The following CEMIP variants were observed in gnomAD, a reference collection of about 807,000 sequenced individuals.
The protein encoded by CEMIP is cell migration-inducing and hyaluronan-binding protein.
Under a neutral mutation model 156.9 loss-of-function variants are expected in CEMIP, and 105 were observed. That is an observed-to-expected ratio of 0.67 (90% confidence interval 0.57 to 0.79). CEMIP has a LOEUF of 0.79. CEMIP is among the 30% of genes least tolerant of loss of function. CEMIP has a pLI of 0.00. For synonymous variants in CEMIP, 676 were observed against 668.4 expected, an observed-to-expected ratio of 1.01 and a Z score of -0.17; for missense variants, 1,457 against 1,769.4, an observed-to-expected ratio of 0.82 and a Z score of 3.17.
In CEMIP at chr15:80,872,148, G is replaced by A. The variant is rs115323716; in HGVS notation, c.-175-1390G>A. Among the ~76,000 whole-genome samples the A allele has an allele frequency of 3.5e-3, 529 of 152,338 alleles. 4 individuals carry two copies. Among genetic ancestry groups the A allele is most frequent in the African/African-American group, 0.012 (512 of 41,566 alleles). The stretch of plus-strand genomic sequence containing the variant: ...CTTCACTTTGAACCGAAAGGTCAGG[G>A]GTGACCAGACTTTTCGCTAAGCTGG... On this transcript the variant is annotated intron_variant, in intron 1 of 29. Transcript: ENST00000394685.
At chr15:80,859,016 C>T (rs960436599) in intron 1 of CEMIP, among the ~76,000 whole-genome samples, 4 of 152,236 alleles carry the variant, frequency 2.6e-5, no homozygotes, top group African/African-American at 9.6e-5. Flanking sequence ...GTGGCCCCAG[C>T]AACTCCAGGC....
intron 1 of CEMIP, among the ~76,000 whole-genome samples, chr15:80,816,173 G>C (rs1459890898): frequency 6.6e-6 from 1 of 152,166 alleles, no homozygotes; most frequent in Non-Finnish European, 1.5e-5. Flanking sequence ...TAACCCTGAG[G>C]AATTGTCTCT....
intron 23 of CEMIP, among the ~76,000 whole-genome samples, chr15:80,935,522 C>G (rs1305138222): frequency 6.6e-6 from 1 of 152,148 alleles, no homozygotes; most frequent in Non-Finnish European, 1.5e-5. Context: ...TACGCTTTAC[C>G]TTCTGATACT....
At chr15:80,834,020 G>C (rs1897215239) in intron 1 of CEMIP, among the ~76,000 whole-genome samples, 1 of 152,116 alleles carries the variant, frequency 6.6e-6, no homozygotes, top group South Asian at 2.1e-4. Context: ...GTTTTGGCGG[G>C]CTATTCTGTG....
At position 80,922,108 on chromosome 15, in the gene CEMIP, T is replaced by A; in HGVS notation, c.2173T>A (p.Tyr725Asn). ...YSEHIPLGKF[Y>N]NNRAHSNYRA... Reference sequence around the variant, plus strand: ...AGAGCACATTCCACTGGGAAAATTCTATAACAACCGAGCACATTCCAACTA... The same window carrying A: ...AGAGCACATTCCACTGGGAAAATTCAATAACAACCGAGCACATTCCAACTA... Residue 725 changes from tyrosine (Y) to asparagine (N), a missense_variant, in exon 17 of 30, where the codon TAT becomes AAT. By Grantham distance (143) the Tyr-to-Asn change is moderately radical. Coordinates refer to ENST00000394685, the MANE Select transcript of CEMIP (RefSeq NM_001293298.2). 6.2e-7 allele frequency: 1 copy of A among 1,614,260 alleles called. No homozygotes were observed. The highest frequency in any genetic ancestry group is 8.5e-7 in the Non-Finnish European group (1 of 1,180,028).
At chr15:80,898,405 A>C (rs1362051802) in intron 12 of CEMIP, among the ~76,000 whole-genome samples, 1 of 152,184 alleles carries the variant, frequency 6.6e-6, no homozygotes, top group Non-Finnish European at 1.5e-5. Flanking sequence ...GTGCTTAATG[A>C]ATGTTAGCTC....
chr15:80,878,809 C>T lies in CEMIP; in HGVS notation c.183C>T (p.Gly61=). The T allele has an allele frequency of 6.2e-7, 1 of 1,613,688 alleles. No homozygotes were observed. Among genetic ancestry groups the T allele is most frequent in the Non-Finnish European group, 8.5e-7 (1 of 1,179,966 alleles). Residue 61 remains glycine (G), a synonymous_variant, in exon 4 of 30, where the codon GGC becomes GGT. Transcript: ENST00000394685. ...DQDHHVHIGQ[G]KTLLLTSSAT... ...ACCACCATGTGCATATCGGCCAGGG[C>T]AAGACACTGCTGCTCACCTCTTCTG... is the stretch of plus-strand genomic sequence containing the variant.
chr15:80,817,680 G>T (rs920254166), intron 1 of CEMIP, among the ~76,000 whole-genome samples: 1 of 151,298 alleles, frequency 6.6e-6, no homozygotes, highest in African/African-American at 2.4e-5. Context: ...GAACATTTGG[G>T]GGTATGTGGC....
chr15:80,900,200 T>C (rs992610898), intron 12 of CEMIP, among the ~76,000 whole-genome samples: 3 of 152,186 alleles, frequency 2.0e-5, no homozygotes, highest in Non-Finnish European at 4.4e-5. Context: ...CTTGTGTGCG[T>C]CAGAGCATTT....
intron 14 of CEMIP, among the ~76,000 whole-genome samples, chr15:80,913,341 G>C (rs567211265): frequency 3.7e-4 from 56 of 152,290 alleles, no homozygotes; most frequent in Non-Finnish European, 8.1e-4. Context: ...CCTTGGTGAT[G>C]GTTCTCAACA....
chr15:80,914,094 T>TGTGGC (rs1555435401), intron 14 of CEMIP, among the ~76,000 whole-genome samples: 4 of 151,650 alleles, frequency 2.6e-5, no homozygotes, highest in Admixed American at 6.6e-5. Context: ...AGGAAGGCTC[T>TGTGGC]ACAGTATCTG....
At chr15:80,858,870 G>C (rs901199546) in intron 1 of CEMIP, among the ~76,000 whole-genome samples, 11 of 152,206 alleles carry the variant, frequency 7.2e-5, no homozygotes, top group South Asian at 4.1e-4. Context: ...TCATGCAATT[G>C]AAAGTCCAGG....
rs532355698 is a variant in CEMIP, at chr15:80,785,501, G to A, written c.-176+5887G>A. On this transcript the variant is annotated intron_variant, in intron 1 of 29. Transcript: ENST00000394685. ...TTTTTGATCATCTTCTATGAGGCAG[G>A]CCCTGAATGAGTCACTGAGAAGGCA... 5.3e-4 allele frequency among the ~76,000 whole-genome samples: 80 copies of A among 152,282 alleles called. 2 individuals are homozygous for A. The South Asian group carries it at 0.016, about 30-fold the overall frequency.
chr15:80,782,009 G>C (rs1304854924), intron 1 of CEMIP, among the ~76,000 whole-genome samples: 6 of 143,780 alleles, frequency 4.2e-5, no homozygotes, highest in Admixed American at 2.9e-4. Flanking sequence ...TGAAAATGCT[G>C]GAGTTGATCA....
chr15:80,934,736 G>A (rs1901051520), intron 23 of CEMIP, among the ~76,000 whole-genome samples: 1 of 152,138 alleles, frequency 6.6e-6, no homozygotes, highest in Non-Finnish European at 1.5e-5. Context: ...GGCAAAGAGG[G>A]CACAGGGTGC....
chr15:80,872,650 A>C (rs963378639), intron 1 of CEMIP, among the ~76,000 whole-genome samples: 21 of 152,148 alleles, frequency 1.4e-4, no homozygotes, highest in African/African-American at 5.1e-4. Context: ...TGCTGTCCCT[A>C]CTAAAAATAC....
intron 6 of CEMIP, 116 bp downstream of exon 6, chr15:80,881,252 TG>T: frequency 1.1e-6 from 1 of 894,172 alleles, no homozygotes; most frequent in East Asian, 2.4e-5. Context: ...ATGAAACAGA[TG>T]GGAATCCCTG....
At chr15:80,835,393 T>G (rs1897248800) in intron 1 of CEMIP, among the ~76,000 whole-genome samples, 1 of 152,224 alleles carries the variant, frequency 6.6e-6, no homozygotes, top group Non-Finnish European at 1.5e-5. Flanking sequence ...GGGCCACCAA[T>G]GCCTAACCAG....
intron 6 of CEMIP, 135 bp from the exon 7 acceptor site, chr15:80,884,040 G>A: frequency 1.1e-6 from 1 of 869,744 alleles, no homozygotes; most frequent in South Asian, 1.4e-5. Flanking sequence ...TAAAGAAAAG[G>A]CTTCCTTCTT....
Sources: gnomAD v4.1 joint callset for allele counts (sites outside exome capture counted in the v4.1 genomes callset) on GRCh38, gnomAD v4.1.1 for gene constraint, MANE v1.5 for transcripts, NCBI Gene and HGNC (gene_info 2026-07-23, HGNC 2026-07-21) for gene names.